The following SOD2 variants were observed in gnomAD, a reference collection of about 807,000 sequenced individuals.
SOD2 encodes the protein superoxide dismutase [Mn], mitochondrial.
A neutral mutation model predicts 27.0 loss-of-function variants in SOD2; 11 were observed. The observed-to-expected ratio is 0.41, with a 90% CI of 0.26 to 0.67. The LOEUF is 0.67. Ranked by LOEUF, SOD2 falls within the 30% of genes least tolerant of loss-of-function variation. SOD2 has a pLI of 0.34. For synonymous variants in SOD2, 105 were observed against 103.0 expected (o/e 1.02, Z -0.12); for missense variants, 250 against 274.5 (o/e 0.91, Z 0.63).
At chr6:159,740,120 CAGGCATGGGCCACCATGCCT>C (rs1196614793) in intron 1 of SOD2, among the ~76,000 whole-genome samples, 2 of 151,866 alleles carry the variant, frequency 1.3e-5, no homozygotes, top group Non-Finnish European at 2.9e-5. Flanking sequence ...GCTGGGATTA[CAGGCATGGGCCACCATGCCT>C]GGCCATGATT....
At chr6:159,726,813 G>A in intron 1 of SOD2, 2 of 1,289,208 alleles carry the variant, frequency 1.6e-6, no homozygotes, top group Non-Finnish European at 2.0e-6. Context: ...CACGACTGAT[G>A]AGAGGGAAGG....
chr6:159,745,934 G>A (rs537762735), upstream of SOD2, among the ~76,000 whole-genome samples: 1 of 152,220 alleles, frequency 6.6e-6, no homozygotes, highest in South Asian at 2.1e-4. Context: ...AAAAATCTAG[G>A]GAGGAATCAC....
At chr6:159,706,871 A>G (rs1223208762) in intron 1 of SOD2, among the ~76,000 whole-genome samples, 1 of 152,210 alleles carries the variant, frequency 6.6e-6, no homozygotes, top group Non-Finnish European at 1.5e-5. Flanking sequence ...GTTGGAAGTA[A>G]AGCACTCCTC....
chr6:159,756,594 C>CTTTTTTT (rs3066261), intron 1 of SOD2, among the ~76,000 whole-genome samples: 22 of 94,382 alleles, frequency 2.3e-4, no homozygotes, highest in South Asian at 8.2e-4. Context: ...ATTTCTTAGG[C>CTTTTTTT]TTTTTTTTTT....
At position 159,755,679 on chromosome 6, in the gene SOD2, G is replaced by T. The variant is rs1779976072; in HGVS notation, c.-336+5358C>A. ...AGAGGATACTGTCCAGAAAATTAAT[G>T]CATACTTTTGTCACAATTTGCCTTT... On this transcript the variant is annotated intron_variant, in intron 1 of 7. Transcript: ENST00000546087. 4 of 1,345,302 alleles carry T rather than the reference G, an allele frequency of 3.0e-6. No homozygotes were observed. The South Asian group carries it at 6.3e-5, about 21-fold the overall frequency. 83.3% of individuals were successfully genotyped at this position (1,345,302 alleles called of 1,614,324 possible). A position where few individuals can be genotyped will look rare whatever the true frequency, so the allele number is the denominator to read the frequency against.
chr6:159,738,882 G>T (rs1583079157), intron 1 of SOD2: 2 of 765,548 alleles, frequency 2.6e-6, no homozygotes, highest in South Asian at 3.8e-5. Flanking sequence ...ATCATAATAT[G>T]TACTGAGCCG....
At chr6:159,686,540 C>T (rs752019919) in intron 3 of SOD2, among the ~76,000 whole-genome samples, 15 of 151,978 alleles carry the variant, frequency 9.9e-5, no homozygotes, top group African/African-American at 3.1e-4. Context: ...CCCAGCTACT[C>T]GGGAGGCTGA....
chr6:159,697,763 T>C (rs1183337506), upstream of SOD2, among the ~76,000 whole-genome samples: 1 of 152,194 alleles, frequency 6.6e-6, no homozygotes. Flanking sequence ...CACATAGAGC[T>C]AGTAGGTAGT....
chr6:159,692,508 G>C, intron 2 of SOD2, 153 bp downstream of exon 2: 2 of 1,466,038 alleles, frequency 1.4e-6, no homozygotes, highest in Non-Finnish European at 9.0e-7. Flanking sequence ...TAGACCATGT[G>C]TTTAAAAGAG....
At position 159,688,147 on chromosome 6, in the gene SOD2, T is replaced by C; in HGVS notation, c.322A>G (p.Asn108Asp). The change falls in exon 3 of 5, where the codon AAC becomes GAC. Residue 108 changes from asparagine (N) to aspartate (D), a missense_variant. Asn to Asp is a conservative substitution (Grantham distance 23). Coordinates refer to ENST00000538183, the MANE Select transcript of SOD2 (RefSeq NM_000636.4). ...CAACCTTTGGGTTCTCCACCACCGT[T>C]AGGGCTGAGGTTTGTCCAGAAAATG... ...HSIFWTNLSP[N>D]GGGEPKGELL... 1 of 1,610,968 alleles carries C rather than the reference T, an allele frequency of 6.2e-7. No individual in the cohort carries two copies. Among genetic ancestry groups the C allele is most frequent in the Non-Finnish European group, 8.5e-7 (1 of 1,177,090 alleles).
intron 1 of SOD2, among the ~76,000 whole-genome samples, chr6:159,716,931 A>G (rs1036249615): frequency 3.9e-5 from 6 of 152,216 alleles, no homozygotes; most frequent in African/African-American, 1.4e-4. Context: ...GAGGAGGAAC[A>G]TGGCTCCCAG....
At chr6:159,754,489 G>A (rs534414791) in intron 1 of SOD2, among the ~76,000 whole-genome samples, 2 of 152,230 alleles carry the variant, frequency 1.3e-5, no homozygotes, top group South Asian at 4.1e-4. Flanking sequence ...TGGCAAGATG[G>A]ATCAAAACAA....
chr6:159,741,388 A>G (rs1291881189), intron 1 of SOD2, among the ~76,000 whole-genome samples: 1 of 152,226 alleles, frequency 6.6e-6, no homozygotes, highest in Non-Finnish European at 1.5e-5. Context: ...CCTTGAGAAG[A>G]GTCACATGGT....
chr6:159,731,712 C>T (rs1396181990), upstream of SOD2, among the ~76,000 whole-genome samples: 3 of 152,102 alleles, frequency 2.0e-5, no homozygotes, highest in Non-Finnish European at 4.4e-5. Flanking sequence ...AGATTAATGT[C>T]TGTCTTCAGA....
intron 1 of SOD2, among the ~76,000 whole-genome samples, chr6:159,711,508 A>T (rs796810222): frequency 1.8e-5 from 2 of 109,832 alleles, no homozygotes; most frequent in South Asian, 3.1e-4. Flanking sequence ...TGCTCTGATC[A>T]CCATAACCAC....
At position 159,672,924 on chromosome 6, in the gene SOD2, A is replaced by C. The variant is rs1308602975; in HGVS notation, c.*9569T>G. ...AAGATCTACCAAGCAAACGGAAAACAAAAAAAAAGGCCGGGGTTGCAATCC... is the reference window on the plus strand; with the variant it reads ...AAGATCTACCAAGCAAACGGAAAACCAAAAAAAAGGCCGGGGTTGCAATCC... On this transcript the variant is annotated 3_prime_UTR_variant, in exon 5 of 5. Coordinates refer to ENST00000538183, the MANE Select transcript of SOD2 (RefSeq NM_000636.4). 5 of 149,368 alleles carry C rather than the reference A, an allele frequency of 3.3e-5. No individual in the cohort carries two copies. Among genetic ancestry groups the C allele is most frequent in the East Asian group, 1.9e-4 (1 of 5,192 alleles). 9.3% of individuals were successfully genotyped at this position (149,368 alleles called of 1,614,324 possible).
intron 1 of SOD2, among the ~76,000 whole-genome samples, chr6:159,698,616 A>G (rs1225714320): frequency 9.6e-4 from 85 of 88,820 alleles, no homozygotes; most frequent in African/African-American, 2.9e-3. Context: ...AACATTTAGA[A>G]AAAAAAAAAA....
At chr6:159,727,476 G>T (rs939889112), upstream of SOD2, 58 of 993,518 alleles carry the variant, frequency 5.8e-5, no homozygotes, top group Non-Finnish European at 6.6e-5. Flanking sequence ...CCGTGCGGCG[G>T]GGCGGGGCCG....
Position 159,674,823 on chromosome 6 carries a change from G to T in SOD2, c.*7670C>A, listed in dbSNP as rs995438883. The T allele has an allele frequency of 6.6e-6, 1 of 152,240 alleles. No individual in the cohort carries two copies. Among genetic ancestry groups the T allele is most frequent in the Non-Finnish European group, 1.5e-5 (1 of 68,054 alleles). 9.4% of individuals were successfully genotyped at this position (152,240 alleles called of 1,614,324 possible). ...AGTCAAATTGTCCCTGTTTGCAGAT[G>T]ACATGATTTTATATTTAGAAAACCC... On this transcript the variant is annotated 3_prime_UTR_variant, in exon 5 of 5. Transcript: ENST00000538183.
Sources: allele counts gnomAD v4.1 joint callset (sites outside exome capture counted in the v4.1 genomes callset), GRCh38; gene constraint gnomAD v4.1.1; transcripts MANE v1.5; gene names NCBI Gene and HGNC (gene_info 2026-07-23, HGNC 2026-07-21).